PRKAA2: variants seen among roughly 807,000 people sequenced by gnomAD.
PRKAA2 encodes the protein protein kinase AMP-activated catalytic subunit alpha 2, also known as 5'-AMP-activated protein kinase catalytic subunit alpha-2.
Under a neutral mutation model 56.3 loss-of-function variants are expected in PRKAA2, and 40 were observed. The ratio of observed to expected loss-of-function variants is 0.71; its 90% CI spans 0.55 to 0.92. The LOEUF is 0.92. Among genes scored for constraint, PRKAA2 ranks in the 40% least tolerant of loss-of-function variants. PRKAA2 has a pLI of 0.00. For missense variants in PRKAA2, 542 were observed against 686.9 expected (o/e 0.79, Z 2.36); for synonymous variants, 214 against 234.2 (o/e 0.91, Z 0.79).
chr1:56,713,610 A>G lies in PRKAA2; in HGVS notation c.*5897A>G, dbSNP rs1193399656. The G allele has an allele frequency of 2.6e-5, 4 of 152,198 alleles. 1 individual carries two copies. The East Asian group carries it at 7.7e-4, about 29-fold the overall frequency. The allele number at this position is 152,198 out of a possible 1,614,324, so 9.4% of individuals were successfully genotyped here. On this transcript the variant is annotated 3_prime_UTR_variant, in exon 9 of 9. Transcript: ENST00000371244. ...TACGTAGAATTTTGACAAGGTTCATACAGTGCATACAGTGTGACCTTTTCT... is the reference window on the plus strand; with the variant it reads ...TACGTAGAATTTTGACAAGGTTCATGCAGTGCATACAGTGTGACCTTTTCT...
At chr1:56,665,776 C>T (rs1243406958) in intron 1 of PRKAA2, among the ~76,000 whole-genome samples, 1 of 152,096 alleles carries the variant, frequency 6.6e-6, no homozygotes, top group African/African-American at 2.4e-5. Flanking sequence ...TCTTAATTTA[C>T]TTTTCTCTGA....
intron 2 of PRKAA2, among the ~76,000 whole-genome samples, chr1:56,690,309 GC>G (rs752852642): frequency 7.2e-5 from 11 of 151,872 alleles, no homozygotes; most frequent in Non-Finnish European, 1.5e-4. Flanking sequence ...GACTACAGGT[GC>G]CCGCCACCAT....
chr1:56,698,623 A>G (rs1644274466), intron 6 of PRKAA2, among the ~76,000 whole-genome samples: 1 of 152,200 alleles, frequency 6.6e-6, no homozygotes, highest in Non-Finnish European at 1.5e-5. Flanking sequence ...CCAAATTGTT[A>G]CATCAGTTCT....
chr1:56,703,782 G>A (rs1335241486), intron 6 of PRKAA2, among the ~76,000 whole-genome samples, 189 bp from the exon 7 acceptor site: 1 of 152,196 alleles, frequency 6.6e-6, no homozygotes, highest in Non-Finnish European at 1.5e-5. Flanking sequence ...CAAATGCCAA[G>A]TCTTAATAAC....
chr1:56,693,644 T>A (rs1027475320), intron 4 of PRKAA2, 121 bp from the exon 5 acceptor site: 10 of 575,208 alleles, frequency 1.7e-5, no homozygotes, highest in African/African-American at 9.6e-5. Context: ...TGCTTTTTTT[T>A]AATAACTTAA....
At chr1:56,701,178 T>C (rs1243667847) in intron 6 of PRKAA2, among the ~76,000 whole-genome samples, 1 of 152,230 alleles carries the variant, frequency 6.6e-6, no homozygotes, top group Non-Finnish European at 1.5e-5. Flanking sequence ...TTAACTTTTC[T>C]ATTTGTCATT....
chr1:56,673,732 A>G (rs1055373840), intron 1 of PRKAA2, among the ~76,000 whole-genome samples: 2 of 152,252 alleles, frequency 1.3e-5, no homozygotes. Context: ...AGCACTGGTC[A>G]TCTTGTCCAA....
At chr1:56,688,324 C>CA (rs1368174339) in intron 2 of PRKAA2, among the ~76,000 whole-genome samples, 4 of 152,164 alleles carry the variant, frequency 2.6e-5, no homozygotes, top group African/African-American at 9.7e-5. Context: ...TCTAAGCACT[C>CA]ACGTTATTTA....
chr1:56,692,770 A>C (rs1298246240), intron 4 of PRKAA2, among the ~76,000 whole-genome samples: 4 of 151,754 alleles, frequency 2.6e-5, no homozygotes, highest in Non-Finnish European at 5.9e-5. Flanking sequence ...TCCTAAGGAA[A>C]TGATGCATAA....
At chr1:56,693,196 CT>C (rs1408285727) in intron 4 of PRKAA2, among the ~76,000 whole-genome samples, 9 of 152,106 alleles carry the variant, frequency 5.9e-5, no homozygotes. Flanking sequence ...CTAGAAACTA[CT>C]TTCTCTATTT....
intron 1 of PRKAA2, among the ~76,000 whole-genome samples, chr1:56,667,382 A>G (rs183445820): frequency 1.2e-3 from 188 of 152,298 alleles, no homozygotes; most frequent in Non-Finnish European, 1.2e-3. Context: ...CTATATCTCT[A>G]GCATCTAAAC....
At chr1:56,654,069 A>C (rs994023271) in intron 1 of PRKAA2, among the ~76,000 whole-genome samples, 1 of 152,108 alleles carries the variant, frequency 6.6e-6, no homozygotes, top group Non-Finnish European at 1.5e-5. Flanking sequence ...GGCTATACAT[A>C]TATTTTCAGT....
At chr1:56,657,200 A>T (rs1643951340) in intron 1 of PRKAA2, among the ~76,000 whole-genome samples, 1 of 152,196 alleles carries the variant, frequency 6.6e-6, no homozygotes, top group African/African-American at 2.4e-5. Context: ...ATATCTTAAA[A>T]GCAGCCAGGG....
intron 1 of PRKAA2, among the ~76,000 whole-genome samples, chr1:56,647,398 C>A (rs373006561): frequency 6.6e-6 from 1 of 152,160 alleles, no homozygotes; most frequent in Non-Finnish European, 1.5e-5. Flanking sequence ...TTTTTAAGTT[C>A]ATATACTGTA....
chr1:56,698,079 CTT>C (rs530647275), intron 6 of PRKAA2, among the ~76,000 whole-genome samples: 433 of 121,066 alleles, frequency 3.6e-3, no homozygotes, highest in Middle Eastern at 8.5e-3. Flanking sequence ...TTTTTTAATT[CTT>C]TTTTTTTTTT....
In PRKAA2 at chr1:56,714,063, T is replaced by C. The variant is rs1644389114; in HGVS notation, c.*6350T>C. On this transcript the variant is annotated 3_prime_UTR_variant, in exon 9 of 9. Coordinates refer to ENST00000371244, the MANE Select transcript of PRKAA2 (RefSeq NM_006252.4). ...CCTATCACTATCAGAAGTTGTTCAC[T>C]AAATGTATTTTCCTATTTCTTTCAT... 1 of 152,178 alleles carries C rather than the reference T, an allele frequency of 6.6e-6. No individual in the cohort carries two copies. Among genetic ancestry groups the C allele is most frequent in the South Asian group, 2.1e-4 (1 of 4,836 alleles). The allele number at this position is 152,178 out of a possible 1,614,324, so 9.4% of individuals were successfully genotyped here. A position where few individuals can be genotyped will look rare whatever the true frequency, so the allele number is the denominator to read the frequency against.
rs1057044926 is a variant in PRKAA2 at position 56,709,624 on chromosome 1, C to T, written c.*1911C>T. ...CTTTTGGGAAAAAACAGGGCCACCTCATAATATTTGCCTGATTATGAATGG... is the reference window on the plus strand; with the variant it reads ...CTTTTGGGAAAAAACAGGGCCACCTTATAATATTTGCCTGATTATGAATGG... On this transcript the variant is annotated 3_prime_UTR_variant, in exon 9 of 9. Transcript: ENST00000371244. The T allele has an allele frequency of 1.3e-5, 2 of 152,034 alleles. No homozygotes were observed. The highest frequency in any genetic ancestry group is 4.8e-5 in the African/African-American group (2 of 41,416). 9.4% of individuals were successfully genotyped at this position (152,034 alleles called of 1,614,324 possible). A position where few individuals can be genotyped will look rare whatever the true frequency, so the allele number is the denominator to read the frequency against.
chr1:56,661,676 G>A (rs535172706), intron 1 of PRKAA2, among the ~76,000 whole-genome samples: 36 of 151,882 alleles, frequency 2.4e-4, no homozygotes, highest in African/African-American at 8.0e-4. Flanking sequence ...TTAGAAAAAC[G>A]TGAATTTAAA....
intron 1 of PRKAA2, among the ~76,000 whole-genome samples, chr1:56,646,378 C>G (rs986385735): frequency 6.6e-6 from 1 of 152,180 alleles, no homozygotes; most frequent in Non-Finnish European, 1.5e-5. Flanking sequence ...GAGGTCAGGA[C>G]TGCTAAGGCA....
Sources: allele counts gnomAD v4.1 joint callset (sites outside exome capture counted in the v4.1 genomes callset), GRCh38; gene constraint gnomAD v4.1.1; transcripts MANE v1.5; gene names NCBI Gene and HGNC (gene_info 2026-07-23, HGNC 2026-07-21).